Variants in FRAS1 observed in about 807,000 individuals in gnomAD.
The protein encoded by FRAS1 is extracellular matrix organizing protein FRAS1.
FRAS1 carries 290 observed loss-of-function variants against 435.2 expected under a neutral mutation model. The observed-to-expected ratio is 0.67, with a 90% CI of 0.61 to 0.73. FRAS1 has a LOEUF of 0.73. Ranked by LOEUF, FRAS1 falls within the 30% of genes least tolerant of loss-of-function variation. The pLI, the probability that FRAS1 is intolerant of heterozygous loss-of-function variation, is 0.00. For synonymous variants in FRAS1, 1,800 were observed against 1,851.0 expected (o/e 0.97, Z 0.71); for missense variants, 4,860 against 5,001.5 (o/e 0.97, Z 0.85).
Position 78,199,076 on chromosome 4 carries a change from T to C in FRAS1, c.109-38434T>C, listed in dbSNP as rs1722943190. 3.9e-5 allele frequency among the ~76,000 whole-genome samples: 6 copies of C among 152,154 alleles called. No individual in the cohort carries two copies. The South Asian group carries it at 1.2e-3, about 32-fold the overall frequency. ...CTGTGTTGTTCGAGGGTCAAATGTGTATTGAAACTTTATTGAGAGCAGGAA... is the reference window on the plus strand; with the variant it reads ...CTGTGTTGTTCGAGGGTCAAATGTGCATTGAAACTTTATTGAGAGCAGGAA... On this transcript the variant is annotated intron_variant, in intron 2 of 73. Transcript: ENST00000512123.
intron 46 of FRAS1, 75 bp from the exon 47 acceptor site, chr4:78,452,100 T>C (rs753751): frequency 0.71 from 1,059,478 of 1,501,132 alleles, 379,349 homozygotes; most frequent in Non-Finnish European, 0.74. Context: ...ACCTTACTTC[T>C]TGGCACCAGG....
At chr4:78,371,323 C>G (rs148521851) in intron 23 of FRAS1, among the ~76,000 whole-genome samples, 237 of 152,118 alleles carry the variant, frequency 1.6e-3, no homozygotes, top group African/African-American at 5.5e-3. Context: ...TTCTTTGGGA[C>G]TTAGAAATAT....
chr4:78,450,095 A>G (rs56347044), intron 44 of FRAS1, 56 bp from the exon 45 acceptor site: 2 of 1,409,590 alleles, frequency 1.4e-6, no homozygotes, highest in Non-Finnish European at 2.0e-6. Flanking sequence ...ATCATTTGAC[A>G]TCCCGTTCAA....
intron 23 of FRAS1, among the ~76,000 whole-genome samples, chr4:78,371,802 C>T (rs1024763797): frequency 2.6e-5 from 4 of 152,184 alleles, no homozygotes; most frequent in African/African-American, 9.7e-5. Context: ...TCAGAATTGC[C>T]TGGGCCATTA....
chr4:78,531,378 T>C (rs1327808443), intron 70 of FRAS1, among the ~76,000 whole-genome samples: 2 of 152,304 alleles, frequency 1.3e-5, no homozygotes, highest in South Asian at 2.1e-4. Flanking sequence ...AATACTACGT[T>C]GAATAGGAGT....
intron 29 of FRAS1, among the ~76,000 whole-genome samples, chr4:78,388,282 G>A (rs967431379): frequency 1.9e-4 from 27 of 145,440 alleles, no homozygotes; most frequent in African/African-American, 6.4e-4. Context: ...CCGAGATCGC[G>A]CCACTGCACT....
chr4:78,494,458 G>C (rs955109233), intron 59 of FRAS1, among the ~76,000 whole-genome samples: 1 of 152,106 alleles, frequency 6.6e-6, no homozygotes, highest in Non-Finnish European at 1.5e-5. Context: ...AGGGGAGCAG[G>C]CATCATCACA....
chr4:78,395,869 A>G (rs929168547), intron 29 of FRAS1, among the ~76,000 whole-genome samples: 1 of 152,080 alleles, frequency 6.6e-6, no homozygotes, highest in East Asian at 1.9e-4. Flanking sequence ...GTTGATAGGT[A>G]AGAACTTACC....
At chr4:78,279,771 A>T (rs1230552086) in intron 10 of FRAS1, among the ~76,000 whole-genome samples, 5 of 152,164 alleles carry the variant, frequency 3.3e-5, no homozygotes, top group Non-Finnish European at 7.3e-5. Flanking sequence ...TTATGTTTTT[A>T]AAAATATGCC....
At position 78,265,040 on chromosome 4, in the gene FRAS1, C is replaced by T. The variant is rs748696533; in HGVS notation, c.619C>T (p.Arg207Ter). 8.1e-6 allele frequency: 13 copies of T among 1,609,378 alleles called. No homozygotes were observed. Among genetic ancestry groups the T allele is most frequent in the East Asian group, 2.2e-5 (1 of 44,846 alleles). The change falls in exon 7 of 74, where the codon CGA (arginine) becomes TGA (stop). Residue 207 changes from arginine to a stop codon, truncating the protein, a stop_gained. Transcript: ENST00000512123. LOFTEE classifies it high-confidence loss of function. Reference sequence around the variant, plus strand: ...GCGTGTTAAGGATGAGACTGTAGTCCGAGTCCCTGGAAAATGTTGCCCGCA... The same window carrying T: ...GCGTGTTAAGGATGAGACTGTAGTCTGAGTCCCTGGAAAATGTTGCCCGCA... ...LFCNQDETVVRVPGKCCPQCS... is the reference protein window; with the variant it reads ...LFCNQDETVV
intron 10 of FRAS1, among the ~76,000 whole-genome samples, chr4:78,280,834 T>G (rs1208068555): frequency 6.6e-6 from 1 of 152,212 alleles, no homozygotes; most frequent in Non-Finnish European, 1.5e-5. Flanking sequence ...TTGGCACATT[T>G]TTTTAAAAAG....
rs751766039 is a variant in FRAS1, at chr4:78,374,189, C to T, written c.3089C>T (p.Ala1030Val). The T allele has an allele frequency of 3.1e-6, 5 of 1,607,250 alleles. 1 individual carries two copies. The highest frequency in any genetic ancestry group is 2.2e-5 in the South Asian group (2 of 90,142). ...RCKGPFLLLE[A>V]QCVQECGKGY... ...AAAGGGCCATTTCTCCTCTTGGAAGCCCAGTGTGTCCAGGAATGTGGGAAG... is the reference window on the plus strand; with the variant it reads ...AAAGGGCCATTTCTCCTCTTGGAAGTCCAGTGTGTCCAGGAATGTGGGAAG... Residue 1030 changes from alanine to valine, a missense_variant, in exon 25 of 74, where the codon GCC becomes GTC. Physicochemically the swap from Ala to Val is moderately conservative, Grantham distance 64. Coordinates refer to ENST00000512123, the MANE Select transcript of FRAS1 (RefSeq NM_025074.7).
chr4:78,098,275 T>TC (rs1268746901), intron 2 of FRAS1, among the ~76,000 whole-genome samples: 1 of 142,594 alleles, frequency 7.0e-6, no homozygotes, highest in Non-Finnish European at 1.5e-5. Context: ...ATAGATCTTT[T>TC]CTTTTTTTTT....
chr4:78,122,472 A>C (rs1360195246), intron 2 of FRAS1, among the ~76,000 whole-genome samples: 1 of 152,150 alleles, frequency 6.6e-6, no homozygotes, highest in Non-Finnish European at 1.5e-5. Context: ...ACTGATTTGT[A>C]ATCCTTTGGG....
At chr4:78,504,850 C>T (rs1165071623) in intron 61 of FRAS1, among the ~76,000 whole-genome samples, 5 of 152,320 alleles carry the variant, frequency 3.3e-5, no homozygotes, top group East Asian at 3.9e-4. Flanking sequence ...CATGTTTTTG[C>T]AGTGGATGGT....
intron 8 of FRAS1, 127 bp from the exon 9 acceptor site, chr4:78,267,114 C>T (rs1483026599): frequency 2.0e-6 from 2 of 993,006 alleles, no homozygotes; most frequent in Non-Finnish European, 3.0e-6. Context: ...GGGACCCTGC[C>T]CATCGTGGGT....
At chr4:78,210,169 T>G (rs1005611603) in intron 2 of FRAS1, among the ~76,000 whole-genome samples, 1 of 152,180 alleles carries the variant, frequency 6.6e-6, no homozygotes, top group Non-Finnish European at 1.5e-5. Context: ...TTCTCCCTCC[T>G]TCCCCCTTCC....
chr4:78,437,508 G>T (rs757459601), intron 38 of FRAS1, among the ~76,000 whole-genome samples: 16 of 152,170 alleles, frequency 1.1e-4, no homozygotes, highest in Admixed American at 2.6e-4. Flanking sequence ...GTGATATGAG[G>T]AAATATGGAA....
In FRAS1 at chr4:78,395,915, T is replaced by C. The variant is rs191434673; in HGVS notation, c.3976-4819T>C. ...TCGTTGTTTTCTGACTGTTTTGTAG[T>C]TCCTGTCTTCCTTTCTGTCTCTCTT... On this transcript the variant is annotated intron_variant, in intron 29 of 73. Coordinates refer to ENST00000512123, the MANE Select transcript of FRAS1 (RefSeq NM_025074.7). 3.0e-3 allele frequency among the ~76,000 whole-genome samples: 461 copies of C among 152,226 alleles called. 1 individual carries two copies. Among genetic ancestry groups the C allele is most frequent in the Admixed American group, 5.0e-3 (77 of 15,284 alleles).
Sources: gnomAD v4.1 joint callset for allele counts (sites outside exome capture counted in the v4.1 genomes callset) on GRCh38, gnomAD v4.1.1 for gene constraint, MANE v1.5 for transcripts, NCBI Gene and HGNC (gene_info 2026-07-23, HGNC 2026-07-21) for gene names.